VAV3: variants seen among roughly 807,000 people sequenced by gnomAD.
VAV3 encodes the protein guanine nucleotide exchange factor VAV3.
VAV3 carries 94 observed loss-of-function variants against 131.2 expected under a neutral mutation model. The ratio of observed to expected loss-of-function variants is 0.72; its 90% CI spans 0.61 to 0.85. VAV3 has a LOEUF of 0.85. VAV3 is among the 40% of genes least tolerant of loss of function. VAV3 has a pLI of 0.00. For missense variants in VAV3, 939 were observed against 1,002.7 expected, an observed-to-expected ratio of 0.94 and a Z score of 0.86; for synonymous variants, 349 against 342.0, an observed-to-expected ratio of 1.02 and a Z score of -0.22.
At chr1:107,631,451 CTAGTA>C (rs1043400223) in intron 20 of VAV3, among the ~76,000 whole-genome samples, 50 of 147,384 alleles carry the variant, frequency 3.4e-4, no homozygotes, top group African/African-American at 1.2e-3. Flanking sequence ...TTCTTCCACT[CTAGTA>C]TACTTTCTCT....
intron 2 of VAV3, among the ~76,000 whole-genome samples, chr1:107,814,979 C>T (rs1465746235): frequency 6.6e-6 from 1 of 152,048 alleles, no homozygotes; most frequent in Non-Finnish European, 1.5e-5. Flanking sequence ...CAATTGATTC[C>T]AGAAAATGTA....
intron 18 of VAV3, among the ~76,000 whole-genome samples, chr1:107,683,736 C>A (rs1289483713): frequency 6.6e-6 from 1 of 152,116 alleles, no homozygotes; most frequent in Non-Finnish European, 1.5e-5. Context: ...TATCATTACA[C>A]TTGATAAGTT....
At chr1:107,840,917 C>T (rs1668674657) in intron 2 of VAV3, among the ~76,000 whole-genome samples, 1 of 141,278 alleles carries the variant, frequency 7.1e-6, no homozygotes. Flanking sequence ...TTCAGAGATG[C>T]TTTTAAAAAA....
chr1:107,823,893 G>A (rs1667903143), intron 2 of VAV3, among the ~76,000 whole-genome samples: 1 of 152,168 alleles, frequency 6.6e-6, no homozygotes, highest in African/African-American at 2.4e-5. Context: ...AAGCCAGGAA[G>A]ACAGCTCTCC....
intron 1 of VAV3, among the ~76,000 whole-genome samples, chr1:107,952,857 T>C (rs1027002006): frequency 6.6e-5 from 10 of 152,202 alleles, no homozygotes; most frequent in Admixed American, 3.9e-4. Context: ...TTGCACAAAT[T>C]TCCATGAAAA....
chr1:107,727,944 C>G (rs1661953878), intron 15 of VAV3, among the ~76,000 whole-genome samples: 1 of 152,102 alleles, frequency 6.6e-6, no homozygotes, highest in South Asian at 2.1e-4. Context: ...AACAATTAAA[C>G]AAGCAAGAAA....
intron 2 of VAV3, among the ~76,000 whole-genome samples, chr1:107,865,387 C>G (rs1669935606): frequency 6.6e-6 from 1 of 152,054 alleles, no homozygotes; most frequent in Admixed American, 6.6e-5. Context: ...AGATTTTAAG[C>G]AGTGTGTGTA....
intron 2 of VAV3, among the ~76,000 whole-genome samples, chr1:107,850,731 AAAAG>A (rs891180964): frequency 5.3e-5 from 8 of 152,154 alleles, no homozygotes; most frequent in African/African-American, 1.7e-4. Context: ...TTTTTTAAAA[AAAAG>A]AAAGAAAAAA....
At chr1:107,610,993 TG>T (rs1652683957) in intron 21 of VAV3, among the ~76,000 whole-genome samples, 1 of 152,192 alleles carries the variant, frequency 6.6e-6, no homozygotes, top group Non-Finnish European at 1.5e-5. Context: ...CTTCATAATG[TG>T]CTGTTACTAT....
At chr1:107,795,161 T>A (rs1666475709) in intron 2 of VAV3, among the ~76,000 whole-genome samples, 1 of 152,224 alleles carries the variant, frequency 6.6e-6, no homozygotes, top group Non-Finnish European at 1.5e-5. Flanking sequence ...CAGACAACAA[T>A]GCTTGTTCTC....
rs1301123357 is a variant in VAV3, at chr1:107,642,628, C to T, written c.1905G>A (p.Leu635=). 2 of 1,612,840 alleles carry T rather than the reference C, an allele frequency of 1.2e-6. No homozygotes were observed. The highest frequency in any genetic ancestry group is 1.7e-6 in the Non-Finnish European group (2 of 1,179,400). ...CCTGCAACAACAGTACCTGCCAAAA[C>T]AGACTGTGTGCATCTCCTTTCAGAA... ...VELLKGDAHS[L]FWQGRNLASG... The change falls in exon 20 of 27, where the codon CTG becomes CTA. Residue 635 remains leucine (L), a synonymous_variant. Coordinates refer to ENST00000370056, the MANE Select transcript of VAV3 (RefSeq NM_006113.5).
chr1:107,962,193 C>A (rs1330689068), intron 1 of VAV3, among the ~76,000 whole-genome samples: 5 of 152,132 alleles, frequency 3.3e-5, no homozygotes, highest in Non-Finnish European at 7.4e-5. Context: ...TCAGACATAC[C>A]AAAACGCCAC....
chr1:107,750,227 A>T (rs1557818796), intron 13 of VAV3, among the ~76,000 whole-genome samples: 1 of 152,204 alleles, frequency 6.6e-6, no homozygotes, highest in Non-Finnish European at 1.5e-5. Flanking sequence ...ATTGTTCCTC[A>T]TGATTTAATT....
intron 6 of VAV3, 50 bp from the exon 7 acceptor site, chr1:107,768,559 C>T (rs780674817): frequency 3.4e-6 from 5 of 1,462,338 alleles, no homozygotes; most frequent in African/African-American, 2.8e-5. Context: ...TTGTCCTAAT[C>T]TATATAATAG....
At chr1:107,746,439 G>T (rs921838931) in intron 15 of VAV3, among the ~76,000 whole-genome samples, 7 of 152,142 alleles carry the variant, frequency 4.6e-5, no homozygotes, top group Admixed American at 4.6e-4. Context: ...GAGATGCTTG[G>T]AAAACAATCA....
chr1:107,612,182 CTA>C (rs10604934), intron 21 of VAV3, among the ~76,000 whole-genome samples: 55,650 of 148,530 alleles, frequency 0.37, 10,931 homozygotes, highest in East Asian at 0.66. Context: ...TTATATTGGT[CTA>C]TATATATATA....
At position 107,964,804 on chromosome 1, in the gene VAV3, C is replaced by G; in HGVS notation, c.66G>C (p.Arg22=). 6.2e-7 allele frequency: 1 copy of G among 1,613,974 alleles called. No individual in the cohort carries two copies. The highest frequency in any genetic ancestry group is 8.5e-7 in the Non-Finnish European group (1 of 1,179,986). Residue 22 remains arginine, a synonymous_variant, in exon 1 of 27, where the codon CGG becomes CGC. Coordinates refer to ENST00000370056, the MANE Select transcript of VAV3 (RefSeq NM_006113.5). ...ACACCTGAGCCGAGTCCCAGGTCAC[C>G]CGGTGGTTGGTGGGCAGCACCTTGC... is the stretch of plus-strand genomic sequence containing the variant. ...IHCKVLPTNH[R]VTWDSAQVFD... is the part of the protein sequence containing the mutation.
At chr1:107,895,667 T>G (rs1181005360) in intron 1 of VAV3, among the ~76,000 whole-genome samples, 1 of 152,196 alleles carries the variant, frequency 6.6e-6, no homozygotes, top group Non-Finnish European at 1.5e-5. Context: ...AAAACTGGTA[T>G]TATTGGCCAC....
intron 2 of VAV3, among the ~76,000 whole-genome samples, chr1:107,865,660 T>C (rs1305283636): frequency 6.6e-6 from 1 of 152,178 alleles, no homozygotes; most frequent in African/African-American, 2.4e-5. Flanking sequence ...TGTTATTCTC[T>C]TATAAACAAC....
Sources: gnomAD v4.1 joint callset for allele counts (sites outside exome capture counted in the v4.1 genomes callset) on GRCh38, gnomAD v4.1.1 for gene constraint, MANE v1.5 for transcripts, NCBI Gene and HGNC (gene_info 2026-07-23, HGNC 2026-07-21) for gene names.